Variants in TRMT10B observed in about 807,000 individuals in gnomAD.
TRMT10B encodes the protein tRNA methyltransferase 10 homolog B.
In TRMT10B, 33 loss-of-function variants were observed where a neutral mutation model predicts 43.8. The ratio of observed to expected loss-of-function variants is 0.75; its 90% CI spans 0.57 to 1.01. The LOEUF is 1.01. Among genes scored for constraint, TRMT10B ranks in the 50% least tolerant of loss-of-function variants. The pLI, the probability that TRMT10B is intolerant of heterozygous loss-of-function variation, is 0.00. For missense variants in TRMT10B, 362 were observed against 369.8 expected (o/e 0.98, Z 0.17); for synonymous variants, 137 against 130.6 (o/e 1.05, Z -0.34).
intron 5 of TRMT10B, among the ~76,000 whole-genome samples, chr9:37,769,108 G>T (rs1827274185): frequency 6.6e-6 from 1 of 151,822 alleles, no homozygotes; most frequent in Non-Finnish European, 1.5e-5. Context: ...AGGAGCTCGA[G>T]ACTAGCCTTG....
intron 1 of TRMT10B, among the ~76,000 whole-genome samples, chr9:37,757,465 C>A (rs543758273): frequency 6.6e-6 from 1 of 152,316 alleles, no homozygotes; most frequent in East Asian, 1.9e-4. Context: ...TATGTAAATA[C>A]ATTTAAAAAT....
At chr9:37,755,355 A>T (rs1269794312) in intron 1 of TRMT10B, among the ~76,000 whole-genome samples, 2 of 150,982 alleles carry the variant, frequency 1.3e-5, no homozygotes, top group African/African-American at 4.9e-5. Context: ...GGTGGCACAC[A>T]ATGTGGATGC....
intron 7 of TRMT10B, among the ~76,000 whole-genome samples, chr9:37,773,973 AAC>A (rs1554679358): frequency 2.1e-3 from 238 of 114,038 alleles, no homozygotes; most frequent in African/African-American, 6.5e-3. Flanking sequence ...AAAAAAAAAA[AAC>A]AACAATAATA....
chr9:37,769,308 T>TAAAAAA lies in TRMT10B; in HGVS notation c.574-605_574-600dup, dbSNP rs57651814. Among the ~76,000 whole-genome samples the TAAAAAA allele has an allele frequency of 8.9e-3, 538 of 60,714 alleles. 38 individuals carry two copies. Among genetic ancestry groups the TAAAAAA allele is most frequent in the African/African-American group, 0.013 (171 of 13,330 alleles). 39.8% of individuals were successfully genotyped at this position (60,714 alleles called of 152,430 possible). On this transcript the variant is annotated intron_variant, in intron 5 of 8. Coordinates refer to ENST00000297994, the MANE Select transcript of TRMT10B (RefSeq NM_144964.4). ...GGGTGACAGAGCCAGACCCTGTCTT[T>TAAAAAA]AAAAAAAAAAAAAAAAAAAAAAAAA...
chr9:37,774,312 T>C (rs1044484382), intron 7 of TRMT10B, among the ~76,000 whole-genome samples: 3 of 152,194 alleles, frequency 2.0e-5, no homozygotes, highest in African/African-American at 7.2e-5. Flanking sequence ...AACAGTCCCT[T>C]TTTTGAGGCA....
intron 4 of TRMT10B, 105 bp from the exon 5 acceptor site, chr9:37,767,971 G>A (rs1589031300): frequency 2.3e-6 from 3 of 1,306,636 alleles, no homozygotes; most frequent in South Asian, 2.6e-5. Flanking sequence ...AGTACATGGG[G>A]TTTTCTGGAG....
intron 1 of TRMT10B, among the ~76,000 whole-genome samples, chr9:37,754,633 A>G (rs934229107): frequency 4.6e-5 from 7 of 151,882 alleles, no homozygotes; most frequent in African/African-American, 1.7e-4. Flanking sequence ...GGAAACAGGT[A>G]GACAGCTGTC....
At chr9:37,757,842 C>T (rs1825883588) in intron 1 of TRMT10B, among the ~76,000 whole-genome samples, 2 of 152,176 alleles carry the variant, frequency 1.3e-5, no homozygotes, top group Admixed American at 1.3e-4. Flanking sequence ...GACTTAAATC[C>T]TCTAGCTATT....
At position 37,777,929 on chromosome 9, in the gene TRMT10B, C is replaced by T. The variant is rs1442192867; in HGVS notation, c.*222C>T. ...CTGAGGCAGGAGAATCACTTGAACTCGGGAGGCGAAGGTTGCAGTGAGCCG... is the reference window on the plus strand; with the variant it reads ...CTGAGGCAGGAGAATCACTTGAACTTGGGAGGCGAAGGTTGCAGTGAGCCG... On this transcript the variant is annotated 3_prime_UTR_variant, in exon 9 of 9. Transcript: ENST00000297994. 12 of 382,872 alleles carry T rather than the reference C, an allele frequency of 3.1e-5. No individual in the cohort carries two copies. Among genetic ancestry groups the T allele is most frequent in the East Asian group, 1.2e-4 (2 of 17,316 alleles). The allele number at this position is 382,872 out of a possible 1,614,324, so 23.7% of individuals were successfully genotyped here.
rs767609970 is a variant in TRMT10B at position 37,777,586 on chromosome 9, T to C, written c.845-15T>C. The C allele has an allele frequency of 1.5e-5, 24 of 1,596,454 alleles. No homozygotes were observed. The highest frequency in any genetic ancestry group is 2.1e-5 in the Non-Finnish European group (24 of 1,164,826). ...CCCTCTGTGGTCACTGTGTTTTCTG[T>C]TTACTCTCTAACAGTGTTTGATATC... On this transcript the variant is annotated splice_polypyrimidine_tract_variant and intron_variant, in intron 8 of 8. Coordinates refer to ENST00000297994, the MANE Select transcript of TRMT10B (RefSeq NM_144964.4).
rs1171528696 is a variant in TRMT10B, at chr9:37,768,126, A to G, written c.471A>G (p.Lys157=). Residue 157 remains lysine, a synonymous_variant, in exon 5 of 9, where the codon AAA becomes AAG. Coordinates refer to ENST00000297994, the MANE Select transcript of TRMT10B (RefSeq NM_144964.4). ...TTCGAAGGTTGTATGGTTCAAACAA[A>G]AAAGCTGACAGGCCATTTTGGATCT... ...GQIRRLYGSN[K]KADRPFWICL... 2 of 1,614,090 alleles carry G rather than the reference A, an allele frequency of 1.2e-6. No individual in the cohort carries two copies. Among genetic ancestry groups the G allele is most frequent in the East Asian group, 2.2e-5 (1 of 44,896 alleles).
intron 4 of TRMT10B, among the ~76,000 whole-genome samples, chr9:37,766,401 C>T (rs1325942532): frequency 9.9e-5 from 15 of 152,118 alleles, no homozygotes; most frequent in Admixed American, 9.2e-4. Context: ...ATATATGTGG[C>T]ATTATTTCTG....
chr9:37,753,541 C>T (rs1825196449), upstream of TRMT10B, among the ~76,000 whole-genome samples: 1 of 152,164 alleles, frequency 6.6e-6, no homozygotes, highest in Admixed American at 6.5e-5. Flanking sequence ...CAGCCCTTGA[C>T]AACCAACAGA....
At chr9:37,752,968 G>C (rs1234351997), upstream of TRMT10B, among the ~76,000 whole-genome samples, 1 of 152,148 alleles carries the variant, frequency 6.6e-6, no homozygotes, top group Non-Finnish European at 1.5e-5. Context: ...CTTGTTGCTT[G>C]CTAACCCTTT....
upstream of TRMT10B, among the ~76,000 whole-genome samples, chr9:37,753,046 G>C (rs1825105557): frequency 6.7e-6 from 1 of 149,948 alleles, no homozygotes; most frequent in Non-Finnish European, 1.5e-5. Context: ...TCTTTCTTGA[G>C]GCCCGTGTGA....
intron 1 of TRMT10B, among the ~76,000 whole-genome samples, chr9:37,755,268 CT>C (rs61444533): frequency 0.013 from 1,586 of 124,422 alleles, 17 homozygotes; most frequent in African/African-American, 0.03. Context: ...AAGACTCCGT[CT>C]TTTTTTTTTT....
chr9:37,759,564 TC>T (rs1285027183), intron 1 of TRMT10B, among the ~76,000 whole-genome samples: 2 of 152,230 alleles, frequency 1.3e-5, no homozygotes, highest in Admixed American at 1.3e-4. Flanking sequence ...ACGCCTGTAA[TC>T]CCAGCACTTT....
chr9:37,760,011 A>G (rs927908773), intron 1 of TRMT10B, among the ~76,000 whole-genome samples: 1 of 152,214 alleles, frequency 6.6e-6, no homozygotes, highest in African/African-American at 2.4e-5. Flanking sequence ...AAATTTCAAA[A>G]TCAAGATAAC....
intron 7 of TRMT10B, among the ~76,000 whole-genome samples, chr9:37,775,506 G>A (rs138461390): frequency 6.6e-6 from 1 of 152,198 alleles, no homozygotes; most frequent in Admixed American, 6.5e-5. Flanking sequence ...GACTTCTTGT[G>A]ACTCCTTTTT....
Sources: allele counts gnomAD v4.1 joint callset (sites outside exome capture counted in the v4.1 genomes callset), GRCh38; gene constraint gnomAD v4.1.1; transcripts MANE v1.5; gene names NCBI Gene and HGNC (gene_info 2026-07-23, HGNC 2026-07-21).